Variants in SMARCA2 observed in about 807,000 individuals in gnomAD.
The protein encoded by SMARCA2 is SWI/SNF related BAF chromatin remodeling complex subunit ATPase 2, also known as SWI/SNF-related matrix-associated actin-dependent regulator of chromatin subfamily A member 2.
Under a neutral mutation model 199.8 loss-of-function variants are expected in SMARCA2, and 61 were observed. The observed-to-expected ratio is 0.31, with a 90% CI of 0.25 to 0.38. The LOEUF (loss-of-function observed/expected upper bound fraction) is 0.38. SMARCA2 is among the 10% of genes least tolerant of loss of function. The probability of loss-of-function intolerance (pLI) is 1.00; values close to 1 mark genes in which losing one functional copy is unlikely to be tolerated. For synonymous variants in SMARCA2, 935 were observed against 732.0 expected (o/e 1.28, Z -4.48); for missense variants, 1,344 against 2,012.2 (o/e 0.67, Z 6.35).
rs1821806792 is a variant in SMARCA2 at position 2,086,434 on chromosome 9, T to C, written c.2527-395T>C. Among the ~76,000 whole-genome samples the C allele has an allele frequency of 6.6e-6, 1 of 152,228 alleles. No individual in the cohort carries two copies. The highest frequency in any genetic ancestry group is 6.5e-5 in the Admixed American group (1 of 15,284). On this transcript the variant is annotated intron_variant, in intron 17 of 33. Transcript: ENST00000349721. This position sits in a 1 kb window ranked among gnomAD's most constrained non-coding sequence, Gnocchi z 4.3. ...CTGCTTCAGGTGGGTACCTATATTCTGTGCCTGTCATGAGCTGAAATAGCA... is the reference window on the plus strand; with the variant it reads ...CTGCTTCAGGTGGGTACCTATATTCCGTGCCTGTCATGAGCTGAAATAGCA...
chr9:2,065,908 G>C (rs1055910649), intron 9 of SMARCA2, among the ~76,000 whole-genome samples: 53 of 152,260 alleles, frequency 3.5e-4, no homozygotes, highest in African/African-American at 1.2e-3. Context: ...CAGAAGTTTC[G>C]AGAAAAGTCC....
rs1827015855 is a variant in SMARCA2, at chr9:2,181,445, A to G, written c.4254-126A>G. On this transcript the variant is annotated intron_variant, in intron 29 of 33. Coordinates refer to ENST00000349721, the MANE Select transcript of SMARCA2 (RefSeq NM_003070.5). ...AGAGTTGTGGGATTTTTCCTGACTTAAAAAGCTCCATATCTATATGCGTGG... is the reference window on the plus strand; with the variant it reads ...AGAGTTGTGGGATTTTTCCTGACTTGAAAAGCTCCATATCTATATGCGTGG... The G allele has an allele frequency of 9.6e-6, 6 of 627,088 alleles. No individual in the cohort carries two copies. The South Asian group carries it at 1.0e-4, about 11-fold the overall frequency. 38.8% of individuals were successfully genotyped at this position (627,088 alleles called of 1,614,324 possible). A position where few individuals can be genotyped will look rare whatever the true frequency, so the allele number is the denominator to read the frequency against.
At chr9:2,182,538 G>C (rs937817821) in intron 31 of SMARCA2, among the ~76,000 whole-genome samples, 2 of 139,094 alleles carry the variant, frequency 1.4e-5, no homozygotes, top group Admixed American at 7.7e-5. Flanking sequence ...CTGTCTCCCA[G>C]GCTGGAGTGC....
chr9:2,050,684 A>G (rs546240283), intron 5 of SMARCA2, among the ~76,000 whole-genome samples: 13 of 152,040 alleles, frequency 8.6e-5, no homozygotes, highest in Admixed American at 8.5e-4. Flanking sequence ...TTCCTTCTCA[A>G]AAATTACCAG....
chr9:2,118,349 A>C (rs1823304516), intron 25 of SMARCA2, among the ~76,000 whole-genome samples: 1 of 152,144 alleles, frequency 6.6e-6, no homozygotes, highest in African/African-American at 2.4e-5. Context: ...AGATTTTTTT[A>C]CTTTATTGGA....
rs79343266 is a variant in SMARCA2, at chr9:2,175,779, T to C, written c.4253+5307T>C. On this transcript the variant is annotated intron_variant, in intron 29 of 33. Transcript: ENST00000349721. ...ATTTTTCATTATGCTTTGGCATATC[T>C]CCTTCTGGTCGTTTTTCAATGCCTT... 2.3e-3 allele frequency among the ~76,000 whole-genome samples: 355 copies of C among 152,346 alleles called. 2 individuals carry two copies. Among genetic ancestry groups the C allele is most frequent in the African/African-American group, 8.1e-3 (338 of 41,580 alleles).
intron 25 of SMARCA2, 59 bp downstream of exon 25, chr9:2,116,108 C>T: frequency 7.8e-7 from 1 of 1,276,766 alleles, no homozygotes; most frequent in Non-Finnish European, 1.1e-6. Context: ...CTCTGAAGGA[C>T]TCAGAATAAT....
intron 9 of SMARCA2, among the ~76,000 whole-genome samples, chr9:2,065,201 C>G (rs1820783832): frequency 6.6e-6 from 1 of 152,020 alleles, no homozygotes; most frequent in African/African-American, 2.4e-5. Context: ...AAAAGTCTAG[C>G]CATTTCAGAG....
chr9:2,082,096 G>A (rs989073049), intron 15 of SMARCA2, 101 bp downstream of exon 15: 2 of 961,428 alleles, frequency 2.1e-6, no homozygotes, highest in South Asian at 1.7e-5. Flanking sequence ...ATTGTAGCAT[G>A]TACTAACCTA....
rs148632973 is a variant in SMARCA2, at chr9:2,021,618, T to A, written c.-37+6214T>A. On this transcript the variant is annotated intron_variant, in intron 1 of 33. Transcript: ENST00000349721. ...TTGAACTGGACATGTAATAAATGGC[T>A]TTGCAAATAGTCACAATTATTTTGT... is the stretch of plus-strand genomic sequence containing the variant. 6.2e-3 allele frequency among the ~76,000 whole-genome samples: 945 copies of A among 152,350 alleles called. 3 individuals carry two copies. Among genetic ancestry groups the A allele is most frequent in the Non-Finnish European group, 0.011 (732 of 68,030 alleles).
At chr9:2,187,699 T>G (rs574875316) in intron 32 of SMARCA2, among the ~76,000 whole-genome samples, 168 of 152,104 alleles carry the variant, frequency 1.1e-3, no homozygotes, top group African/African-American at 3.8e-3. Context: ...TAAATATAAT[T>G]AATAAATATT....
intron 27 of SMARCA2, among the ~76,000 whole-genome samples, chr9:2,147,449 T>C (rs1824819684): frequency 6.6e-6 from 1 of 152,232 alleles, no homozygotes; most frequent in African/African-American, 2.4e-5. Flanking sequence ...ACATCTTTCA[T>C]TGTAAGGCTG....
chr9:2,055,221 C>T lies in SMARCA2; in HGVS notation c.1173+498C>T, dbSNP rs79737435. ...AATGTCTTATAGCTTATTTATTCAC[C>T]GATGTCTAAGTTTGGAGTGTTTGAT... On this transcript the variant is annotated intron_variant, in intron 6 of 33. Transcript: ENST00000349721. Among the ~76,000 whole-genome samples, 25 of 152,288 alleles carry T rather than the reference C, an allele frequency of 1.6e-4. No homozygotes were observed. In the East Asian group the frequency reaches 4.6e-3, roughly 28 times the overall value.
chr9:2,123,705 A>G lies in SMARCA2; in HGVS notation c.3763-14A>G, dbSNP rs1364465918. 6 of 1,612,942 alleles carry G rather than the reference A, an allele frequency of 3.7e-6. No individual in the cohort carries two copies. The East Asian group carries it at 1.3e-4, about 36-fold the overall frequency. ...AGCCCTGACTTTCGGTGACCCTCTT[A>G]TTAATGTCTCCAGCGGATGGACATG... On this transcript the variant is annotated splice_polypyrimidine_tract_variant and intron_variant, in intron 26 of 33. Coordinates refer to ENST00000349721, the MANE Select transcript of SMARCA2 (RefSeq NM_003070.5). This position sits in a 1 kb window ranked among gnomAD's most constrained non-coding sequence, Gnocchi z 4.1.
rs187801094 is a variant in SMARCA2, at chr9:2,110,567, A to T, written c.3456+150A>T. 2 of 592,126 alleles carry T rather than the reference A, an allele frequency of 3.4e-6. No homozygotes were observed. Among genetic ancestry groups the T allele is most frequent in the Non-Finnish European group, 2.8e-6 (1 of 360,470 alleles). 36.7% of individuals were successfully genotyped at this position (592,126 alleles called of 1,614,324 possible). A position where few individuals can be genotyped will look rare whatever the true frequency, so the allele number is the denominator to read the frequency against. On this transcript the variant is annotated intron_variant, in intron 24 of 33. Coordinates refer to ENST00000349721, the MANE Select transcript of SMARCA2 (RefSeq NM_003070.5). This position sits in a 1 kb window ranked among gnomAD's most constrained non-coding sequence, Gnocchi z 4.8. The stretch of plus-strand genomic sequence containing the variant: ...AGCCAATTCTTCTGGCTGTTTTCTT[A>T]TCTCCCTTAGAGCATAGATACGAGG...
intron 28 of SMARCA2, among the ~76,000 whole-genome samples, chr9:2,166,092 A>G (rs568933251): frequency 6.6e-6 from 1 of 152,294 alleles, no homozygotes; most frequent in East Asian, 1.9e-4. Context: ...ACCTCAGAGA[A>G]TAAATCTGCT....
chr9:2,091,676 G>C (rs1243837483), intron 19 of SMARCA2, among the ~76,000 whole-genome samples: 2 of 152,152 alleles, frequency 1.3e-5, no homozygotes, highest in African/African-American at 4.8e-5. Flanking sequence ...AGAAACTTCT[G>C]CATTGTTTCT....
At chr9:2,127,101 T>C (rs1348151008) in intron 27 of SMARCA2, among the ~76,000 whole-genome samples, 1 of 152,240 alleles carries the variant, frequency 6.6e-6, no homozygotes, top group Non-Finnish European at 1.5e-5. Flanking sequence ...ATTCAGTTGC[T>C]ACCCACTCTG....
At chr9:2,176,160 C>G (rs865802784) in intron 29 of SMARCA2, among the ~76,000 whole-genome samples, 3 of 146,162 alleles carry the variant, frequency 2.1e-5, no homozygotes, top group Admixed American at 6.7e-5. Context: ...GGATTACAGG[C>G]ATGAGCCACC....
Sources: allele counts gnomAD v4.1 joint callset (sites outside exome capture counted in the v4.1 genomes callset), GRCh38; gene constraint gnomAD v4.1.1; non-coding constraint Gnocchi (gnomAD v3.1); transcripts MANE v1.5; gene names NCBI Gene and HGNC (gene_info 2026-07-23, HGNC 2026-07-21).